GPR108: variants seen among roughly 807,000 people sequenced by gnomAD.
GPR108 encodes protein GPR108.
GPR108 carries 60 observed loss-of-function variants against 74.3 expected under a neutral mutation model. The observed-to-expected ratio is 0.81, with a 90% confidence interval of 0.66 to 1.00. The LOEUF (loss-of-function observed/expected upper bound fraction) is 1.00. GPR108 is among the 50% of genes least tolerant of loss of function. The pLI is 0.00. For missense variants in GPR108, 667 were observed against 703.3 expected (o/e 0.95, Z 0.58); for synonymous variants, 311 against 292.4 (o/e 1.06, Z -0.65).
intron 15 of GPR108, 53 bp from the exon 16 acceptor site, chr19:6,731,335 A>G (rs1440971213): frequency 8.6e-6 from 13 of 1,511,972 alleles, no homozygotes; most frequent in African/African-American, 1.4e-5. Flanking sequence ...ACGGGCAGGC[A>G]TGGGGCTAGA....
chr19:6,734,112 G>T (rs1414127098), intron 5 of GPR108, 58 bp from the exon 6 acceptor site: 1 of 1,614,064 alleles, frequency 6.2e-7, no homozygotes, highest in Non-Finnish European at 8.5e-7. Context: ...GGGGCAGTGG[G>T]AAAACGGCAT....
At chr19:6,733,962 C>T (rs1312177218) in intron 6 of GPR108, 43 bp downstream of exon 6, 2 of 1,614,126 alleles carry the variant, frequency 1.2e-6, no homozygotes, top group Non-Finnish European at 1.7e-6. Flanking sequence ...CCCCGCAGGG[C>T]CCTGGGGTGT....
chr19:6,736,915 C>G, intron 1 of GPR108: 1 of 659,798 alleles, frequency 1.5e-6, no homozygotes, highest in Non-Finnish European at 2.5e-6. Flanking sequence ...GTTCTGAGAA[C>G]CCAGGAACAG....
chr19:6,734,534 A>T (rs1245749318), intron 4 of GPR108, among the ~76,000 whole-genome samples: 1 of 152,104 alleles, frequency 6.6e-6, no homozygotes, highest in African/African-American at 2.4e-5. Flanking sequence ...CCATGACATC[A>T]ATCTACTCTT....
Position 6,731,047 on chromosome 19 carries a change from C to T in GPR108, c.1499G>A (p.Gly500Glu), listed in dbSNP as rs756697758. 12 of 1,613,736 alleles carry T rather than the reference C, an allele frequency of 7.4e-6. No individual in the cohort carries two copies. The highest frequency in any genetic ancestry group is 9.3e-6 in the Non-Finnish European group (11 of 1,179,886). ...GGGCAGCTGCAGGTACGGGTTGTTT[C>T]CTGTGGGCTGGAACTTGTAGCCCGT... ...VLTGYKFQPT[G>E]NNPYLQLPQE... Residue 500 changes from glycine to glutamate, a missense_variant, in exon 17 of 18, where the codon GGA becomes GAA. Physicochemically the swap from Gly to Glu is moderately conservative, Grantham distance 98. Transcript: ENST00000264080.
At chr19:6,737,287 G>T in intron 1 of GPR108, 170 bp downstream of exon 1, 2 of 850,344 alleles carry the variant, frequency 2.4e-6, no homozygotes, top group Non-Finnish European at 3.4e-6. Context: ...CCATCCGGAG[G>T]ACCGAAGGGG....
At chr19:6,734,914 T>C (rs1568240828) in intron 4 of GPR108, among the ~76,000 whole-genome samples, 1 of 151,112 alleles carries the variant, frequency 6.6e-6, no homozygotes, top group Non-Finnish European at 1.5e-5. Context: ...AGGCTCTTGA[T>C]CTGTCGTCCA....
At chr19:6,730,413 G>T in intron 17 of GPR108, 29 bp from the exon 18 acceptor site, 2 of 1,592,938 alleles carry the variant, frequency 1.3e-6, no homozygotes, top group South Asian at 1.1e-5. Flanking sequence ...GAGGCGTCTA[G>T]CGTTGCAGGG....
At chr19:6,733,508 T>G in intron 8 of GPR108, 62 bp downstream of exon 8, 1 of 1,529,602 alleles carries the variant, frequency 6.5e-7, no homozygotes, top group South Asian at 1.1e-5. Flanking sequence ...GGTGAGGCAC[T>G]CTGGGCCCGC....
At chr19:6,735,586 C>G in intron 4 of GPR108, 36 bp downstream of exon 4, 1 of 1,578,856 alleles carries the variant, frequency 6.3e-7, no homozygotes, top group Non-Finnish European at 8.7e-7. Flanking sequence ...GAAACGCAGA[C>G]GAAGGATCTG....
At chr19:6,735,770 C>T in intron 3 of GPR108, 66 bp from the exon 4 acceptor site, 1 of 1,555,036 alleles carries the variant, frequency 6.4e-7, no homozygotes, top group Non-Finnish European at 8.8e-7. Context: ...CACCCTGTCT[C>T]CCTCCCTGTC....
intron 17 of GPR108, 64 bp from the exon 18 acceptor site, chr19:6,730,448 G>A: frequency 7.1e-7 from 1 of 1,404,852 alleles, no homozygotes; most frequent in Non-Finnish European, 1.0e-6. Context: ...CACTCTACCC[G>A]GAACCACTCA....
chr19:6,736,933 G>A, intron 1 of GPR108: 2 of 588,536 alleles, frequency 3.4e-6, no homozygotes, highest in Middle Eastern at 4.7e-4. Context: ...CAGAGATCCT[G>A]CGGCACCTGG....
chr19:6,734,005 C>T lies in GPR108; in HGVS notation c.549G>A (p.Gln183=). 6.2e-7 allele frequency: 1 copy of T among 1,614,184 alleles called. No homozygotes were observed. Among genetic ancestry groups the T allele is most frequent in the Non-Finnish European group, 8.5e-7 (1 of 1,180,040 alleles). The change falls in exon 6 of 18, where the codon CAG becomes CAA. Residue 183 remains glutamine, a splice_region_variant and synonymous_variant. Transcript: ENST00000264080. ...SKPKSTPAVI[Q]GPSGKDKDLV... Reference sequence around the variant, plus strand: ...CCCTCCTGCCCCGCCTCCCCGAAACCTGAATCACTGCGGGTGTTGACTTGG... The same window carrying T: ...CCCTCCTGCCCCGCCTCCCCGAAACTTGAATCACTGCGGGTGTTGACTTGG...
Position 6,732,535 on chromosome 19 carries a change from G to A in GPR108, c.948C>T (p.Phe316=). The A allele has an allele frequency of 1.2e-6, 2 of 1,613,580 alleles. No homozygotes were observed. Among genetic ancestry groups the A allele is most frequent in the Non-Finnish European group, 1.7e-6 (2 of 1,179,856 alleles). The change falls in exon 11 of 18, where the codon TTC becomes TTT. Residue 316 remains phenylalanine, a synonymous_variant. Coordinates refer to ENST00000264080, the MANE Select transcript of GPR108 (RefSeq NM_001080452.2). The stretch of plus-strand genomic sequence containing the variant: ...CGATGGGGTGGCCCTGGCTGTTGAT[G>A]AAGTAGTAGTTGATCTGGGGGTGGA... ...SLLFHSINYY[F]INSQGHPIEG...
chr19:6,731,738 T>G (rs1968412014), intron 14 of GPR108, among the ~76,000 whole-genome samples, 153 bp downstream of exon 14: 1 of 150,294 alleles, frequency 6.7e-6, no homozygotes, highest in Non-Finnish European at 1.5e-5. Context: ...GATAAAGGCA[T>G]TCGGGGGAAA....
At chr19:6,734,137 G>A (rs1213342177) in intron 5 of GPR108, 46 bp downstream of exon 5, 1 of 1,614,036 alleles carries the variant, frequency 6.2e-7, no homozygotes, top group African/African-American at 1.3e-5. Flanking sequence ...AGTGCAAAGG[G>A]CAGACCTGCC....
Position 6,735,689 on chromosome 19 carries a change from C to A in GPR108, c.307G>T (p.Asp103Tyr). 6.2e-7 allele frequency: 1 copy of A among 1,614,018 alleles called. No homozygotes were observed. The highest frequency in any genetic ancestry group is 2.2e-5 in the East Asian group (1 of 44,866). The change falls in exon 4 of 18, where the codon GAC (aspartate) becomes TAC (tyrosine). Residue 103 changes from aspartate (D) to tyrosine (Y), a missense_variant. Asp to Tyr is a radical substitution (Grantham distance 160, BLOSUM62 -3). Coordinates refer to ENST00000264080, the MANE Select transcript of GPR108 (RefSeq NM_001080452.2). ...CTACTGTTTTTCTGGAGAGGGCAGTCCTGGAAATCCCGGGTCTGGGGGGTG... is the reference window on the plus strand; with the variant it reads ...CTACTGTTTTTCTGGAGAGGGCAGTACTGGAAATCCCGGGTCTGGGGGGTG... ...VRSYSTRDFQDCPLQKNSSSF... is the reference protein window; with the variant it reads ...VRSYSTRDFQYCPLQKNSSSF...
chr19:6,731,542 G>A lies in GPR108; in HGVS notation c.1301-20C>T, dbSNP rs200879525. On this transcript the variant is annotated intron_variant, in intron 14 of 17. Coordinates refer to ENST00000264080, the MANE Select transcript of GPR108 (RefSeq NM_001080452.2). Reference sequence around the variant, plus strand: ...CTGCCACTGAGGGTGGGCACAGAGAGGGCGGTCAGGGGAGACTGAGGGTGG... The same window carrying A: ...CTGCCACTGAGGGTGGGCACAGAGAAGGCGGTCAGGGGAGACTGAGGGTGG... 3.4e-5 allele frequency: 49 copies of A among 1,459,040 alleles called. No individual in the cohort carries two copies. The highest frequency in any genetic ancestry group is 2.2e-4 in the Middle Eastern group (1 of 4,474). 90.4% of individuals were successfully genotyped at this position (1,459,040 alleles called of 1,614,324 possible).
Sources: allele counts gnomAD v4.1 joint callset (sites outside exome capture counted in the v4.1 genomes callset), GRCh38; gene constraint gnomAD v4.1.1; transcripts MANE v1.5; gene names NCBI Gene and HGNC (gene_info 2026-07-23, HGNC 2026-07-21).